RTN1: variants seen among roughly 807,000 people sequenced by gnomAD.
The protein encoded by RTN1 is reticulon-1.
RTN1 carries 25 observed loss-of-function variants against 65.5 expected under a neutral mutation model. That is an observed-to-expected ratio of 0.38 (90% confidence interval 0.28 to 0.53). The LOEUF (loss-of-function observed/expected upper bound fraction) is 0.53, where lower values mean the gene tolerates loss of function less well. Among genes scored for constraint, RTN1 ranks in the 20% least tolerant of loss-of-function variants. RTN1 has a pLI of 0.79. For synonymous variants in RTN1, 471 were observed against 447.6 expected (o/e 1.05, Z -0.66); for missense variants, 983 against 1,025.4 (o/e 0.96, Z 0.57).
intron 3 of RTN1, among the ~76,000 whole-genome samples, chr14:59,682,973 AC>A (rs956450323): frequency 3.9e-5 from 6 of 152,234 alleles, no homozygotes; most frequent in African/African-American, 1.4e-4. Flanking sequence ...TAGGGGAGTG[AC>A]ATTTTGGTTC....
At chr14:59,761,375 G>A (rs1165082068) in intron 1 of RTN1, among the ~76,000 whole-genome samples, 1 of 152,118 alleles carries the variant, frequency 6.6e-6, no homozygotes, top group Non-Finnish European at 1.5e-5. Flanking sequence ...GAGATCTGAT[G>A]GTTTTATAAG....
At chr14:59,732,209 G>T (rs1285183306) in intron 2 of RTN1, among the ~76,000 whole-genome samples, 1 of 152,196 alleles carries the variant, frequency 6.6e-6, no homozygotes, top group East Asian at 1.9e-4. Flanking sequence ...GTATTATTGG[G>T]AATGATGCAG....
Position 59,666,630 on chromosome 14 carries a change from CA to C in RTN1, c.1766-59139del, listed in dbSNP as rs926402015. Among the ~76,000 whole-genome samples the C allele has an allele frequency of 1.7e-4, 25 of 151,386 alleles. No homozygotes were observed. In the East Asian group the frequency reaches 2.9e-3, roughly 18 times the overall value. ...AGAGATAGAGACACAGAAAACCCTT[CA>C]AAAAAAATCAATGAATCCAGGAGAT... On this transcript the variant is annotated intron_variant, in intron 3 of 8. Transcript: ENST00000267484.
chr14:59,658,633 C>A (rs186400293), intron 3 of RTN1, among the ~76,000 whole-genome samples: 2 of 152,268 alleles, frequency 1.3e-5, no homozygotes, highest in Non-Finnish European at 2.9e-5. Flanking sequence ...AGCAGACTTG[C>A]AGCAGAGGGG....
chr14:59,793,253 C>T (rs954730274), intron 1 of RTN1, among the ~76,000 whole-genome samples: 1 of 152,164 alleles, frequency 6.6e-6, no homozygotes, highest in African/African-American at 2.4e-5. Flanking sequence ...ACAAAACTAA[C>T]ACTTTTTTCT....
rs904493429 is a variant in RTN1 at position 59,829,309 on chromosome 14, TG to T, written c.241+41080del. 3.3e-5 allele frequency among the ~76,000 whole-genome samples: 5 copies of T among 151,812 alleles called. No individual in the cohort carries two copies. The highest frequency in any genetic ancestry group is 1.2e-4 in the African/African-American group (5 of 41,280). On this transcript the variant is annotated intron_variant, in intron 1 of 8. Transcript: ENST00000267484. This position sits in a 1 kb window ranked among gnomAD's most constrained non-coding sequence, Gnocchi z 4.3. Reference sequence around the variant, plus strand: ...GGAAAAACATGCTGTTGCACAAAAGTGGGGGGAATCAAAATGTGATGGGTGT... The same window carrying T: ...GGAAAAACATGCTGTTGCACAAAAGTGGGGGAATCAAAATGTGATGGGTGT...
intron 1 of RTN1, among the ~76,000 whole-genome samples, chr14:59,799,555 A>C (rs551047922): frequency 6.6e-6 from 1 of 152,346 alleles, no homozygotes; most frequent in East Asian, 1.9e-4. Flanking sequence ...AATATGATAA[A>C]TCAAATTTAA....
At chr14:59,742,840 C>G (rs1289239479) in intron 2 of RTN1, among the ~76,000 whole-genome samples, 1 of 152,164 alleles carries the variant, frequency 6.6e-6, no homozygotes, top group Non-Finnish European at 1.5e-5. Flanking sequence ...CCTCTACTGT[C>G]TATGGGCACA....
intron 2 of RTN1, among the ~76,000 whole-genome samples, chr14:59,740,373 C>T (rs1885093101): frequency 6.6e-6 from 1 of 152,156 alleles, no homozygotes; most frequent in South Asian, 2.1e-4. Flanking sequence ...CAGTCACCTC[C>T]AGTTAGGGTT....
chr14:59,851,863 A>C (rs1887514899), intron 1 of RTN1, among the ~76,000 whole-genome samples: 1 of 151,992 alleles, frequency 6.6e-6, no homozygotes, highest in Non-Finnish European at 1.5e-5. Context: ...CTCAAAAAAA[A>C]AAAAAAAAAA....
At chr14:59,783,815 GC>G (rs1219448673) in intron 1 of RTN1, among the ~76,000 whole-genome samples, 1 of 150,322 alleles carries the variant, frequency 6.7e-6, no homozygotes, top group African/African-American at 2.5e-5. Flanking sequence ...TCAACAGCTA[GC>G]AAAATGCACT....
At chr14:59,845,094 T>C (rs1887381612) in intron 1 of RTN1, among the ~76,000 whole-genome samples, 1 of 152,224 alleles carries the variant, frequency 6.6e-6, no homozygotes, top group South Asian at 2.1e-4. Flanking sequence ...CTTCACATTG[T>C]AGATTTCCTG....
At chr14:59,755,847 A>G (rs575384743) in intron 1 of RTN1, among the ~76,000 whole-genome samples, 193 of 152,324 alleles carry the variant, frequency 1.3e-3, no homozygotes, top group African/African-American at 4.5e-3. Flanking sequence ...CTAGCAAAAG[A>G]CTAAGTCAAA....
Position 59,820,848 on chromosome 14 carries a change from T to C in RTN1, c.241+49542A>G, listed in dbSNP as rs1886931326. 2.0e-5 allele frequency among the ~76,000 whole-genome samples: 3 copies of C among 152,366 alleles called. No homozygotes were observed. In the South Asian group the frequency reaches 6.2e-4, roughly 32 times the overall value. ...TGTATGCAGCTTTATTTTAGGGTTC[T>C]CTAACATGTTCCATTAGTCTGTGTC... On this transcript the variant is annotated intron_variant, in intron 1 of 8. Transcript: ENST00000267484.
At chr14:59,839,303 C>G (rs1485318510) in intron 1 of RTN1, among the ~76,000 whole-genome samples, 2 of 151,984 alleles carry the variant, frequency 1.3e-5, no homozygotes, top group Non-Finnish European at 2.9e-5. Context: ...TTACAGGAAC[C>G]CTATCTTCCT....
chr14:59,765,612 A>T (rs1459644933), intron 1 of RTN1, among the ~76,000 whole-genome samples: 1 of 152,168 alleles, frequency 6.6e-6, no homozygotes, highest in Non-Finnish European at 1.5e-5. Flanking sequence ...TCTAGGTAAA[A>T]CCATAAATAA....
At chr14:59,786,388 T>C (rs1160308519) in intron 1 of RTN1, among the ~76,000 whole-genome samples, 3 of 152,204 alleles carry the variant, frequency 2.0e-5, no homozygotes, top group African/African-American at 7.2e-5. Flanking sequence ...ACTATTAGTA[T>C]TACGAGTAGT....
At position 59,868,641 on chromosome 14, in the gene RTN1, C is replaced by T. The variant is rs1194408288; in HGVS notation, c.241+1749G>A. Among the ~76,000 whole-genome samples the T allele has an allele frequency of 2.6e-5, 4 of 152,114 alleles. No homozygotes were observed. Among genetic ancestry groups the T allele is most frequent in the Non-Finnish European group, 4.4e-5 (3 of 68,012 alleles). On this transcript the variant is annotated intron_variant, in intron 1 of 8. Transcript: ENST00000267484. The surrounding 1 kb of genome is among the most constrained non-coding windows in gnomAD (Gnocchi z 4.0). ...ACATATGTCAAAACATCACACTGTA[C>T]CCCACAAATATATATTCTAAGCATT...
Position 59,868,550 on chromosome 14 carries a change from C to T in RTN1, c.241+1840G>A, listed in dbSNP as rs1403320868. Among the ~76,000 whole-genome samples the T allele has an allele frequency of 7.2e-5, 11 of 152,086 alleles. No individual in the cohort carries two copies. The highest frequency in any genetic ancestry group is 1.9e-4 in the African/African-American group (8 of 41,436). ...AATTGCTAAAAGAGTAAATTTTAAA[C>T]GCTTTTACCACAAAAAAAAAGTACA... On this transcript the variant is annotated intron_variant, in intron 1 of 8. Coordinates refer to ENST00000267484, the MANE Select transcript of RTN1 (RefSeq NM_021136.3). The surrounding 1 kb of genome is among the most constrained non-coding windows in gnomAD (Gnocchi z 4.0).
Sources: allele counts gnomAD v4.1 joint callset (sites outside exome capture counted in the v4.1 genomes callset), GRCh38; gene constraint gnomAD v4.1.1; non-coding constraint Gnocchi (gnomAD v3.1); transcripts MANE v1.5; gene names NCBI Gene and HGNC (gene_info 2026-07-23, HGNC 2026-07-21).